The following UNC5D variants were observed in gnomAD, a reference collection of about 807,000 sequenced individuals.
The protein encoded by UNC5D is netrin receptor UNC5D.
In UNC5D, 39 loss-of-function variants were observed where a neutral mutation model predicts 105.4. The ratio of observed to expected loss-of-function variants is 0.37; its 90% CI spans 0.29 to 0.48. UNC5D has a LOEUF of 0.48. UNC5D is among the 20% of genes least tolerant of loss of function. UNC5D has a pLI of 0.98. For synonymous variants in UNC5D, 452 were observed against 450.4 expected (o/e 1.00, Z -0.04); for missense variants, 991 against 1,202.4 (o/e 0.82, Z 2.60).
At chr8:35,559,254 A>C (rs1472116814) in intron 2 of UNC5D, among the ~76,000 whole-genome samples, 1 of 152,208 alleles carries the variant, frequency 6.6e-6, no homozygotes, top group African/African-American at 2.4e-5. Context: ...CATTCTACCA[A>C]AACCTAGTTA....
At chr8:35,601,103 TAGTTGTAGATATG>T (rs941850065) in intron 4 of UNC5D, among the ~76,000 whole-genome samples, 1 of 152,176 alleles carries the variant, frequency 6.6e-6, no homozygotes, top group Non-Finnish European at 1.5e-5. Context: ...AAAGATCAGA[TAGTTGTAGATATG>T]CGGCATTATG....
intron 1 of UNC5D, among the ~76,000 whole-genome samples, chr8:35,535,753 C>A (rs1563511294): frequency 1.3e-5 from 2 of 152,136 alleles, no homozygotes; most frequent in African/African-American, 4.8e-5. Flanking sequence ...CAGGATGCAA[C>A]TCTTTCTCTG....
At chr8:35,559,490 G>A (rs1816801067) in intron 2 of UNC5D, among the ~76,000 whole-genome samples, 1 of 152,200 alleles carries the variant, frequency 6.6e-6, no homozygotes, top group African/African-American at 2.4e-5. Flanking sequence ...TTTGAGAACT[G>A]GCTGGAAACA....
chr8:35,258,430 G>A (rs911856597), intron 1 of UNC5D, among the ~76,000 whole-genome samples: 9 of 152,120 alleles, frequency 5.9e-5, no homozygotes, highest in African/African-American at 2.2e-4. Context: ...CACACAGTGT[G>A]GGGGATCAGA....
At chr8:35,478,057 A>T (rs1283540485) in intron 1 of UNC5D, among the ~76,000 whole-genome samples, 3 of 152,168 alleles carry the variant, frequency 2.0e-5, no homozygotes, top group Non-Finnish European at 4.4e-5. Context: ...TTGTGTGCAG[A>T]TTCATAATTC....
intron 1 of UNC5D, among the ~76,000 whole-genome samples, chr8:35,545,419 A>G (rs1251321229): frequency 6.8e-6 from 1 of 146,508 alleles, no homozygotes; most frequent in Non-Finnish European, 1.5e-5. Flanking sequence ...TATGGGTTGG[A>G]GAGGGGGAGA....
In UNC5D at chr8:35,596,212, G is replaced by T. The variant is rs189275248; in HGVS notation, c.570+555G>T. 1.1e-4 allele frequency among the ~76,000 whole-genome samples: 17 copies of T among 152,220 alleles called. No homozygotes were observed. The East Asian group carries it at 2.1e-3, about 19-fold the overall frequency. On this transcript the variant is annotated intron_variant, in intron 4 of 16. Transcript: ENST00000404895. ...TGATCTGTTATCCTTCCTTCACAGC[G>T]AGGTGTCTAGAATCCAGAGTCACAA...
chr8:35,297,610 C>A (rs1449432348), intron 1 of UNC5D, among the ~76,000 whole-genome samples: 1 of 152,102 alleles, frequency 6.6e-6, no homozygotes, highest in Non-Finnish European at 1.5e-5. Context: ...ACAGGCCCAG[C>A]CTTTTCTTTG....
intron 1 of UNC5D, among the ~76,000 whole-genome samples, chr8:35,281,058 C>T (rs923493201): frequency 2.6e-5 from 4 of 152,204 alleles, no homozygotes; most frequent in African/African-American, 9.6e-5. Context: ...TGCCGGAACT[C>T]ACTCAGCTCT....
chr8:35,429,910 A>G (rs1806510303), intron 1 of UNC5D, among the ~76,000 whole-genome samples: 1 of 152,200 alleles, frequency 6.6e-6, no homozygotes, highest in Non-Finnish European at 1.5e-5. Context: ...TTGACAAACA[A>G]CTATATTTCT....
chr8:35,786,834 A>G (rs1802767342), intron 16 of UNC5D, among the ~76,000 whole-genome samples: 1 of 152,300 alleles, frequency 6.6e-6, no homozygotes, highest in Admixed American at 6.5e-5. Flanking sequence ...CGAGGTCAGC[A>G]TGGTGGCCTG....
At chr8:35,291,776 C>T (rs773963933) in intron 1 of UNC5D, among the ~76,000 whole-genome samples, 8 of 152,038 alleles carry the variant, frequency 5.3e-5, no homozygotes, top group Non-Finnish European at 8.8e-5. Flanking sequence ...TTCAAGTAAC[C>T]AGTTATAGAT....
intron 1 of UNC5D, among the ~76,000 whole-genome samples, chr8:35,250,208 T>C (rs1449099143): frequency 6.6e-6 from 1 of 152,178 alleles, no homozygotes; most frequent in Non-Finnish European, 1.5e-5. Flanking sequence ...TGCCAAGGCA[T>C]TGATCTCAGA....
chr8:35,278,974 A>G (rs1432916780), intron 1 of UNC5D, among the ~76,000 whole-genome samples: 1 of 152,108 alleles, frequency 6.6e-6, no homozygotes, highest in Non-Finnish European at 1.5e-5. Flanking sequence ...GGTGCCAGTT[A>G]TTGTCACCAG....
intron 1 of UNC5D, among the ~76,000 whole-genome samples, chr8:35,334,234 G>A (rs934753665): frequency 2.0e-5 from 3 of 152,076 alleles, no homozygotes; most frequent in South Asian, 2.1e-4. Flanking sequence ...CAGAAGTAGC[G>A]TCAGTGAAAA....
intron 1 of UNC5D, among the ~76,000 whole-genome samples, chr8:35,503,525 T>C (rs941451120): frequency 2.6e-5 from 4 of 152,050 alleles, no homozygotes; most frequent in Non-Finnish European, 5.9e-5. Flanking sequence ...AAGATGAGAT[T>C]TGGGTGGGGA....
At chr8:35,353,441 T>C (rs964467038) in intron 1 of UNC5D, among the ~76,000 whole-genome samples, 7 of 152,208 alleles carry the variant, frequency 4.6e-5, no homozygotes, top group African/African-American at 1.4e-4. Flanking sequence ...CTGTTGTCTT[T>C]GGGATTGTAA....
At chr8:35,772,046 T>C (rs1262592976) in intron 15 of UNC5D, among the ~76,000 whole-genome samples, 2 of 152,206 alleles carry the variant, frequency 1.3e-5, no homozygotes, top group African/African-American at 2.4e-5. Context: ...CATGCTCTTT[T>C]CTGTTATATA....
rs185030804 is a variant in UNC5D, at chr8:35,376,738, C to T, written c.103+140851C>T. ...TATTCAAAGCCTTCTGCACTTGGTC[C>T]TAACCTTCCTTTGCAACATGCAGTT... On this transcript the variant is annotated intron_variant, in intron 1 of 16. Transcript: ENST00000404895. Among the ~76,000 whole-genome samples, 6 of 152,262 alleles carry T rather than the reference C, an allele frequency of 3.9e-5. No homozygotes were observed. In the East Asian group the frequency reaches 9.7e-4, roughly 25 times the overall value.
Sources: gnomAD v4.1 joint callset for allele counts (sites outside exome capture counted in the v4.1 genomes callset) on GRCh38, gnomAD v4.1.1 for gene constraint, MANE v1.5 for transcripts, NCBI Gene and HGNC (gene_info 2026-07-23, HGNC 2026-07-21) for gene names.